The following RNF31 variants were observed in gnomAD, a reference collection of about 807,000 sequenced individuals.
The protein encoded by RNF31 is E3 ubiquitin-protein ligase RNF31.
Under a neutral mutation model 133.6 loss-of-function variants are expected in RNF31, and 38 were observed. The observed-to-expected ratio is 0.28, with a 90% CI of 0.22 to 0.37. The LOEUF (loss-of-function observed/expected upper bound fraction) is 0.37. RNF31 is among the 10% of genes least tolerant of loss of function. The pLI, the probability that RNF31 is intolerant of heterozygous loss-of-function variation, is 1.00. For missense variants in RNF31, 1,118 were observed against 1,394.1 expected, an observed-to-expected ratio of 0.80 and a Z score of 3.15; for synonymous variants, 582 against 552.3, an observed-to-expected ratio of 1.05 and a Z score of -0.75.
Position 24,160,170 on chromosome 14 carries a change from C to T in RNF31, c.2997-69C>T. 1 of 1,534,198 alleles carries T rather than the reference C, an allele frequency of 6.5e-7. No individual in the cohort carries two copies. Among genetic ancestry groups the T allele is most frequent in the South Asian group, 1.2e-5 (1 of 83,594 alleles). On this transcript the variant is annotated intron_variant, in intron 19 of 20. Transcript: ENST00000324103. The surrounding 1 kb of genome is among the most constrained non-coding windows in gnomAD (Gnocchi z 4.0). ...TTGTTCGTCCAGGTGTCTCAGAGTCCAGCTATGTTAGACACACTCAGTTAA... is the reference window on the plus strand; with the variant it reads ...TTGTTCGTCCAGGTGTCTCAGAGTCTAGCTATGTTAGACACACTCAGTTAA...
At position 24,155,586 on chromosome 14, in the gene RNF31, T is replaced by C. The variant is rs372867105; in HGVS notation, c.2404-17T>C. ...CCAGGTCAGGCCTTTGATAACTTTATGCTCTTGCACTTCCAGTGCTCCTTT... is the reference window on the plus strand; with the variant it reads ...CCAGGTCAGGCCTTTGATAACTTTACGCTCTTGCACTTCCAGTGCTCCTTT... On this transcript the variant is annotated splice_polypyrimidine_tract_variant and intron_variant, in intron 13 of 20. Transcript: ENST00000324103. This position sits in a 1 kb window ranked among gnomAD's most constrained non-coding sequence, Gnocchi z 4.9. 5 of 1,613,982 alleles carry C rather than the reference T, an allele frequency of 3.1e-6. No homozygotes were observed. The African/African-American group carries it at 5.3e-5, about 17-fold the overall frequency.
chr14:24,158,802 C>A (rs1281545269), intron 18 of RNF31: 7 of 151,604 alleles, frequency 4.6e-5, no homozygotes, highest in Non-Finnish European at 1.0e-4. Flanking sequence ...TTTGGGAAGC[C>A]AAGGCGGGTG....
At chr14:24,159,588 A>G (rs1474193863) in intron 18 of RNF31, among the ~76,000 whole-genome samples, 4 of 103,150 alleles carry the variant, frequency 3.9e-5, no homozygotes, top group Non-Finnish European at 8.8e-5. Context: ...AACAACCAAA[A>G]AAAAAAAAAA....
chr14:24,152,028 A>G lies in RNF31; in HGVS notation c.2130+36A>G, dbSNP rs755120438. 1.0e-5 allele frequency: 16 copies of G among 1,587,460 alleles called. No homozygotes were observed. The African/African-American group carries it at 2.2e-4, about 21-fold the overall frequency. ...CCCCACGATACCTGGTCCAAGAATTACTCTATTCTTTTGGACCCCCATCCT... is the reference window on the plus strand; with the variant it reads ...CCCCACGATACCTGGTCCAAGAATTGCTCTATTCTTTTGGACCCCCATCCT... On this transcript the variant is annotated intron_variant, in intron 11 of 20. Transcript: ENST00000324103.
At chr14:24,158,248 C>T (rs2038376879) in intron 18 of RNF31, 49 bp downstream of exon 18, 53 of 1,570,672 alleles carry the variant, frequency 3.4e-5, no homozygotes, top group Non-Finnish European at 4.6e-5. Context: ...GTGCTGGGCT[C>T]CCACCGTGTG....
chr14:24,157,870 TC>T (rs1453492401), intron 16 of RNF31, 27 bp from the exon 17 acceptor site: 2 of 1,594,056 alleles, frequency 1.3e-6, no homozygotes, highest in Non-Finnish European at 1.7e-6. Flanking sequence ...GTCTCCAACT[TC>T]CTCTCTCCCA....
In RNF31 at chr14:24,151,367, C is replaced by T. The variant is rs752320810; in HGVS notation, c.1725C>T (p.Thr575=). 1 of 1,614,064 alleles carries T rather than the reference C, an allele frequency of 6.2e-7. No homozygotes were observed. Among genetic ancestry groups the T allele is most frequent in the African/African-American group, 1.3e-5 (1 of 74,918 alleles). ...AAGCTGTGGAGGAGTGTGTGAGGAC[C>T]AGGCGAAGGAAGGTATCAGCTGTGC... ...LDEAVEECVR[T]RRRKVQELQS... The change falls in exon 9 of 21, where the codon ACC becomes ACT. Residue 575 remains threonine, a synonymous_variant. Transcript: ENST00000324103. This position sits in a 1 kb window ranked among gnomAD's most constrained non-coding sequence, Gnocchi z 5.3.
Position 24,160,166 on chromosome 14 carries a change from A to G in RNF31, c.2997-73A>G. 1 of 1,522,496 alleles carries G rather than the reference A, an allele frequency of 6.6e-7. No homozygotes were observed. Among genetic ancestry groups the G allele is most frequent in the South Asian group, 1.2e-5 (1 of 82,880 alleles). The allele number at this position is 1,522,496 out of a possible 1,614,324, so 94.3% of individuals were successfully genotyped here. On this transcript the variant is annotated intron_variant, in intron 19 of 20. Transcript: ENST00000324103. This position sits in a 1 kb window ranked among gnomAD's most constrained non-coding sequence, Gnocchi z 4.0. ...AATCTTGTTCGTCCAGGTGTCTCAG[A>G]GTCCAGCTATGTTAGACACACTCAG... is the stretch of plus-strand genomic sequence containing the variant.
chr14:24,159,606 A>C (rs372299717), intron 18 of RNF31, among the ~76,000 whole-genome samples: 4 of 147,392 alleles, frequency 2.7e-5, no homozygotes, highest in South Asian at 2.2e-4. Flanking sequence ...AAAAAAAAAA[A>C]CACTATCTCA....
At position 24,160,565 on chromosome 14, in the gene RNF31, C is replaced by T. The variant is rs371171962; in HGVS notation, c.3211C>T (p.Arg1071Trp). 4.1e-5 allele frequency: 63 copies of T among 1,532,372 alleles called. No homozygotes were observed. Among genetic ancestry groups the T allele is most frequent in the Non-Finnish European group, 5.2e-5 (59 of 1,137,400 alleles). The allele number at this position is 1,532,372 out of a possible 1,614,324, so 94.9% of individuals were successfully genotyped here. A position where few individuals can be genotyped will look rare whatever the true frequency, so the allele number is the denominator to read the frequency against. ...VPLGQSIPRR[R>W]K ...CTTGGGACAGAGTATCCCCCGCAGG[C>T]GGAAGTAGCTGAGGGCAAGGGTCCC... is the stretch of plus-strand genomic sequence containing the variant. The change falls in exon 21 of 21, where the codon CGG becomes TGG. Residue 1071 changes from arginine (R) to tryptophan (W), a missense_variant. By Grantham distance (101) the Arg-to-Trp change is moderately radical. This residue lies in a region of RNF31 where 170 missense variants were observed against 194.5 expected (regional missense o/e 0.87). Transcript: ENST00000324103. The surrounding 1 kb of genome is among the most constrained non-coding windows in gnomAD (Gnocchi z 4.0).
chr14:24,160,527 C>T lies in RNF31; in HGVS notation c.3173C>T (p.Thr1058Ile). The T allele has an allele frequency of 6.4e-7, 1 of 1,553,566 alleles. No homozygotes were observed. Among genetic ancestry groups the T allele is most frequent in the Non-Finnish European group, 8.7e-7 (1 of 1,146,548 alleles). Reference sequence around the variant, plus strand: ...TTCTCTCTCCTTCTGCAGAAGCTGACAGAAGAGGTACCCTTGGGACAGAGT... The same window carrying T: ...TTCTCTCTCCTTCTGCAGAAGCTGATAGAAGAGGTACCCTTGGGACAGAGT... ...AYQARLLQKLTEEVPLGQSIP... is the reference protein window; with the variant it reads ...AYQARLLQKLIEEVPLGQSIP... The change falls in exon 21 of 21, where the codon ACA becomes ATA. Residue 1058 changes from threonine (T) to isoleucine (I), a missense_variant. By Grantham distance (89) the Thr-to-Ile change is moderately conservative. This residue lies in a region of RNF31 where 170 missense variants were observed against 194.5 expected (regional missense o/e 0.87). Transcript: ENST00000324103. The surrounding 1 kb of genome is among the most constrained non-coding windows in gnomAD (Gnocchi z 4.0).
At position 24,151,142 on chromosome 14, in the gene RNF31, C is replaced by T. The variant is rs192054190; in HGVS notation, c.1500C>T (p.Ala500=). 4.8e-5 allele frequency: 78 copies of T among 1,613,868 alleles called. No individual in the cohort carries two copies. The East Asian group carries it at 1.1e-3, about 23-fold the overall frequency. ...QLVSMIREGE[A]AGACPEEIFS... is the part of the protein sequence containing the mutation. The stretch of plus-strand genomic sequence containing the variant: ...GGACTGTGCCTTAGGAAGGGGAAGC[C>T]GCAGGTGCCTGTCCAGAGGAGATCT... Residue 500 remains alanine (A), a synonymous_variant, in exon 9 of 21, where the codon GCC becomes GCT. Transcript: ENST00000324103. The surrounding 1 kb of genome is among the most constrained non-coding windows in gnomAD (Gnocchi z 5.3).
chr14:24,158,990 G>C (rs771799221), intron 18 of RNF31, among the ~76,000 whole-genome samples: 2 of 136,172 alleles, frequency 1.5e-5, no homozygotes, highest in Admixed American at 8.3e-5. Context: ...CAGAGATGGC[G>C]CCACCGCACT....
chr14:24,148,090 C>A lies in RNF31; in HGVS notation c.307C>A (p.Pro103Thr). 6.2e-7 allele frequency: 1 copy of A among 1,614,210 alleles called. No individual in the cohort carries two copies. Among genetic ancestry groups the A allele is most frequent in the South Asian group, 1.1e-5 (1 of 91,088 alleles). The change falls in exon 2 of 21, where the codon CCT becomes ACT. Residue 103 changes from proline to threonine, a missense_variant. Physicochemically the swap from Pro to Thr is conservative, Grantham distance 38. Coordinates refer to ENST00000324103, the MANE Select transcript of RNF31 (RefSeq NM_017999.5). ...CTGGCGTGGTGTCAAGTTTAATAAC[C>A]CTGTCTTTCGCAGCACGGTGGATGC... is the stretch of plus-strand genomic sequence containing the variant. ...RYWRGVKFNN[P>T]VFRSTVDAVQ...
At chr14:24,147,029 G>A (rs2038176330), upstream of RNF31, 1 of 228,668 alleles carries the variant, frequency 4.4e-6, no homozygotes, top group Non-Finnish European at 8.8e-6. Flanking sequence ...CAGAGGGAGC[G>A]CCTGGGGTGG....
Position 24,155,592 on chromosome 14 carries a change from T to G in RNF31, c.2404-11T>G. Reference sequence around the variant, plus strand: ...CAGGCCTTTGATAACTTTATGCTCTTGCACTTCCAGTGCTCCTTTGGCTTC... The same window carrying G: ...CAGGCCTTTGATAACTTTATGCTCTGGCACTTCCAGTGCTCCTTTGGCTTC... On this transcript the variant is annotated splice_polypyrimidine_tract_variant and intron_variant, in intron 13 of 20. Coordinates refer to ENST00000324103, the MANE Select transcript of RNF31 (RefSeq NM_017999.5). This position sits in a 1 kb window ranked among gnomAD's most constrained non-coding sequence, Gnocchi z 4.9. The G allele has an allele frequency of 6.2e-7, 1 of 1,614,136 alleles. No homozygotes were observed.
intron 4 of RNF31, 44 bp downstream of exon 4, chr14:24,148,745 A>T: frequency 6.2e-7 from 1 of 1,613,358 alleles, no homozygotes; most frequent in Non-Finnish European, 8.5e-7. Context: ...GGAAACAGGA[A>T]TTGTGAGACT....
At chr14:24,159,760 TC>T in intron 18 of RNF31, 103 bp from the exon 19 acceptor site, 1 of 873,260 alleles carries the variant, frequency 1.1e-6, no homozygotes, top group Non-Finnish European at 1.9e-6. Flanking sequence ...CTGTGCTCGG[TC>T]CCTTCCTTGG....
chr14:24,159,817 TG>T (rs760817565), intron 18 of RNF31, 46 bp from the exon 19 acceptor site: 1 of 1,477,778 alleles, frequency 6.8e-7, no homozygotes, highest in Non-Finnish European at 9.4e-7. Flanking sequence ...TGGAGCTTTG[TG>T]GTCATTGGCC....
Sources: allele counts gnomAD v4.1 joint callset (sites outside exome capture counted in the v4.1 genomes callset), GRCh38; gene constraint gnomAD v4.1.1; regional missense constraint gnomAD v4.1.1; non-coding constraint Gnocchi (gnomAD v3.1); transcripts MANE v1.5; gene names NCBI Gene and HGNC (gene_info 2026-07-23, HGNC 2026-07-21).